FANK1: variants seen among roughly 807,000 people sequenced by gnomAD.
FANK1 encodes fibronectin type 3 and ankyrin repeat domains protein 1.
A neutral mutation model predicts 45.3 loss-of-function variants in FANK1; 44 were observed. The observed-to-expected ratio is 0.97, with a 90% CI of 0.76 to 1.25. FANK1 has a LOEUF of 1.25. FANK1 is among the 50% of genes most tolerant of loss of function. FANK1 has a pLI of 0.00. For synonymous variants in FANK1, 149 were observed against 152.5 expected (o/e 0.98, Z 0.17); for missense variants, 391 against 424.4 (o/e 0.92, Z 0.69).
chr10:125,900,652 GTTTGT>G (rs1944956886), intron 1 of FANK1, among the ~76,000 whole-genome samples: 1 of 150,556 alleles, frequency 6.6e-6, no homozygotes, highest in Non-Finnish European at 1.5e-5. Flanking sequence ...TTTGTTTGTT[GTTTGT>G]TTTTTGTTTT....
At chr10:125,970,166 G>T (rs567596905) in intron 1 of FANK1, among the ~76,000 whole-genome samples, 23 of 152,132 alleles carry the variant, frequency 1.5e-4, no homozygotes, top group Non-Finnish European at 3.4e-4. Context: ...GGTGGCGGCC[G>T]GGCAGAGGGG....
At chr10:125,975,689 T>C (rs1950813031) in intron 1 of FANK1, among the ~76,000 whole-genome samples, 1 of 152,248 alleles carries the variant, frequency 6.6e-6, no homozygotes, top group Non-Finnish European at 1.5e-5. Flanking sequence ...TTATGGATGC[T>C]GGATATTAGA....
rs201024256 is a variant in FANK1 at position 125,988,629 on chromosome 10, C to T, written c.270C>T (p.Pro90=). ...LYRFRLKVTS[P]SGECEYSPLV... Reference sequence around the variant, plus strand: ...GATTTCGCCTGAAGGTCACCAGCCCCTCTGGGGAGTGTGAGTACAGCCCAC... The same window carrying T: ...GATTTCGCCTGAAGGTCACCAGCCCTTCTGGGGAGTGTGAGTACAGCCCAC... The change falls in exon 3 of 11, where the codon CCC becomes CCT. Residue 90 remains proline (P), a synonymous_variant. Transcript: ENST00000368693. 2.5e-6 allele frequency: 4 copies of T among 1,614,212 alleles called. No individual in the cohort carries two copies. In the East Asian group the frequency reaches 6.7e-5, roughly 27 times the overall value.
intron 1 of FANK1, among the ~76,000 whole-genome samples, chr10:125,947,898 A>G (rs1948925412): frequency 6.9e-6 from 1 of 144,052 alleles, no homozygotes; most frequent in Non-Finnish European, 1.5e-5. Context: ...AAAGAACAGA[A>G]ATTATAACAA....
intron 1 of FANK1, among the ~76,000 whole-genome samples, chr10:125,945,335 G>A (rs1455774307): frequency 1.3e-5 from 2 of 152,234 alleles, no homozygotes; most frequent in East Asian, 3.9e-4. Flanking sequence ...TTCCATCTGA[G>A]GTACCGGGTT....
At position 125,916,075 on chromosome 10, in the gene FANK1, A is replaced by G. The variant is rs189603808; in HGVS notation, c.13+19420A>G. Among the ~76,000 whole-genome samples, 216 of 151,982 alleles carry G rather than the reference A, an allele frequency of 1.4e-3. 2 individuals carry two copies. Among genetic ancestry groups the G allele is most frequent in the African/African-American group, 5.0e-3 (206 of 41,444 alleles). On this transcript the variant is annotated intron_variant, in intron 1 of 10. Transcript: ENST00000368693. ...TTTTCAGACGGAGTCTTGCTCTGTC[A>G]CCAGGCTGGAGTGCAGTAGTGGTGC...
At chr10:125,914,581 A>G (rs963641958) in intron 1 of FANK1, among the ~76,000 whole-genome samples, 5 of 152,228 alleles carry the variant, frequency 3.3e-5, no homozygotes, top group Non-Finnish European at 7.3e-5. Flanking sequence ...AGGAAAAACT[A>G]AACATTCCCT....
At chr10:125,994,330 G>C (rs1952154244) in intron 3 of FANK1, 1 of 941,640 alleles carries the variant, frequency 1.1e-6, no homozygotes, top group African/African-American at 1.8e-5. Flanking sequence ...CTCTTTTCAT[G>C]CTAACCCCCT....
At position 126,008,454 on chromosome 10, in the gene FANK1, C is replaced by T; in HGVS notation, c.753C>T (p.Val251=). 1 of 1,613,522 alleles carries T rather than the reference C, an allele frequency of 6.2e-7. No individual in the cohort carries two copies. The highest frequency in any genetic ancestry group is 8.5e-7 in the Non-Finnish European group (1 of 1,179,724). Residue 251 remains valine (V), a synonymous_variant, in exon 8 of 11, where the codon GTC becomes GTT. Coordinates refer to ENST00000368693, the MANE Select transcript of FANK1 (RefSeq NM_145235.5). ...TGSGWTPLMR[V]SAVSGNQRVA... ...CAGGATGGACCCCACTCATGAGAGT[C>T]TCTGCGGTGTCGGGAAATCAGAGGG...
At chr10:125,908,581 T>G (rs987748215) in intron 1 of FANK1, among the ~76,000 whole-genome samples, 1 of 151,860 alleles carries the variant, frequency 6.6e-6, no homozygotes, top group African/African-American at 2.4e-5. Flanking sequence ...ATGATACAAT[T>G]GACTTGGGGA....
intron 1 of FANK1, chr10:125,973,634 C>T (rs764003256): frequency 6.0e-6 from 1 of 167,936 alleles, no homozygotes; most frequent in Non-Finnish European, 1.2e-5. Flanking sequence ...TTTTCAAAAA[C>T]TAATATTTTA....
intron 1 of FANK1, among the ~76,000 whole-genome samples, chr10:125,903,767 A>G (rs552000139): frequency 8.5e-4 from 129 of 152,222 alleles, no homozygotes; most frequent in Non-Finnish European, 1.7e-3. Flanking sequence ...AATTGAAACT[A>G]GCATTGCTAG....
At chr10:125,904,087 C>T (rs1273965117) in intron 1 of FANK1, among the ~76,000 whole-genome samples, 1 of 152,080 alleles carries the variant, frequency 6.6e-6, no homozygotes, top group East Asian at 1.9e-4. Flanking sequence ...TGCCACTATC[C>T]TAGTTTTTCT....
chr10:125,901,068 G>C (rs1315979006), intron 1 of FANK1, among the ~76,000 whole-genome samples: 3 of 150,814 alleles, frequency 2.0e-5, no homozygotes, highest in Admixed American at 2.0e-4. Flanking sequence ...TTGGCCTCCC[G>C]AGTAGCCAGG....
Position 125,988,656 on chromosome 10 carries a change from C to T in FANK1, c.297C>T (p.Leu99=), listed in dbSNP as rs140872451. 15 of 1,614,192 alleles carry T rather than the reference C, an allele frequency of 9.3e-6. No individual in the cohort carries two copies. Among genetic ancestry groups the T allele is most frequent in the African/African-American group, 1.3e-5 (1 of 75,040 alleles). The change falls in exon 3 of 11, where the codon CTC becomes CTT. Residue 99 remains leucine (L), a synonymous_variant. Transcript: ENST00000368693. ...SPSGECEYSP[L]VSVSTTREPI... ...CTGGGGAGTGTGAGTACAGCCCACT[C>T]GTCTCAGTGTCTACAACCAGTGAGT...
chr10:125,967,886 C>G (rs775304435), intron 1 of FANK1, among the ~76,000 whole-genome samples: 1 of 152,118 alleles, frequency 6.6e-6, no homozygotes, highest in Admixed American at 6.5e-5. Flanking sequence ...AGTGAGACCA[C>G]AAAGTAGGAG....
Position 125,935,783 on chromosome 10 carries a change from A to G in FANK1, c.13+39128A>G, listed in dbSNP as rs938214790. 8.8e-4 allele frequency among the ~76,000 whole-genome samples: 134 copies of G among 152,306 alleles called. 1 individual carries two copies. The highest frequency in any genetic ancestry group is 3.1e-3 in the African/African-American group (127 of 41,560). On this transcript the variant is annotated intron_variant, in intron 1 of 10. Transcript: ENST00000368693. ...GTTATTATGTTACCTTTGTATAACA[A>G]TTCTGTCATAATAACTTCAGTGGCT... is the stretch of plus-strand genomic sequence containing the variant.
At chr10:125,979,791 T>C in intron 1 of FANK1, 1 of 464,034 alleles carries the variant, frequency 2.2e-6, no homozygotes, top group East Asian at 6.8e-5. Flanking sequence ...TTGGATCAGA[T>C]AGAGCATTTG....
At chr10:125,973,677 C>G (rs1950658824) in intron 1 of FANK1, 1 of 153,920 alleles carries the variant, frequency 6.5e-6, no homozygotes. Flanking sequence ...TGGTAATGTA[C>G]TCAATGTACC....
Sources: allele counts gnomAD v4.1 joint callset (sites outside exome capture counted in the v4.1 genomes callset), GRCh38; gene constraint gnomAD v4.1.1; transcripts MANE v1.5; gene names NCBI Gene and HGNC (gene_info 2026-07-23, HGNC 2026-07-21).